ARFIP1: variants seen among roughly 807,000 people sequenced by gnomAD.
The protein encoded by ARFIP1 is arfaptin-1.
In ARFIP1, 24 loss-of-function variants were observed where a neutral mutation model predicts 42.5. The ratio of observed to expected loss-of-function variants is 0.57; its 90% confidence interval spans 0.41 to 0.80. The LOEUF is 0.80. Ranked by LOEUF, ARFIP1 falls within the 30% of genes least tolerant of loss-of-function variation. ARFIP1 has a pLI of 0.00. For synonymous variants in ARFIP1, 141 were observed against 153.7 expected (o/e 0.92, Z 0.61); for missense variants, 354 against 434.0 (o/e 0.82, Z 1.64).
chr4:152,853,839 CT>C (rs1350600631), intron 2 of ARFIP1, among the ~76,000 whole-genome samples: 3 of 145,626 alleles, frequency 2.1e-5, no homozygotes, highest in African/African-American at 7.6e-5. Context: ...TTTCCTCATT[CT>C]TTTTTATTCT....
chr4:152,888,063 A>G, intron 7 of ARFIP1, 70 bp from the exon 8 acceptor site: 2 of 1,308,416 alleles, frequency 1.5e-6, no homozygotes, highest in Non-Finnish European at 2.1e-6. Context: ...AATATTACGT[A>G]TTTCCAACCC....
chr4:152,831,722 A>G (rs1731253996), intron 2 of ARFIP1, among the ~76,000 whole-genome samples: 5 of 152,120 alleles, frequency 3.3e-5, no homozygotes. Flanking sequence ...ACTCAACATT[A>G]TGTCTGTGAG....
chr4:152,846,251 T>C (rs1732528611), intron 2 of ARFIP1, among the ~76,000 whole-genome samples: 1 of 152,166 alleles, frequency 6.6e-6, no homozygotes, highest in South Asian at 2.1e-4. Context: ...TATTGAATAC[T>C]ATGCTCAGTA....
At chr4:152,888,083 A>G in intron 7 of ARFIP1, 50 bp from the exon 8 acceptor site, 1 of 1,461,116 alleles carries the variant, frequency 6.8e-7, no homozygotes, top group Non-Finnish European at 9.2e-7. Context: ...CATTTTTTGA[A>G]CATACTTTAC....
intron 8 of ARFIP1, among the ~76,000 whole-genome samples, chr4:152,898,898 G>C (rs1221115850): frequency 6.6e-6 from 1 of 152,288 alleles, no homozygotes; most frequent in South Asian, 2.1e-4. Flanking sequence ...CAGGCTTTTT[G>C]AAAAGAAGAG....
intron 1 of ARFIP1, among the ~76,000 whole-genome samples, chr4:152,794,977 T>C (rs1731348598): frequency 6.6e-6 from 1 of 152,160 alleles, no homozygotes; most frequent in African/African-American, 2.4e-5. Flanking sequence ...TGTCAGCATG[T>C]GGAAATTACT....
At chr4:152,789,402 T>A (rs893000644) in intron 1 of ARFIP1, among the ~76,000 whole-genome samples, 1 of 152,178 alleles carries the variant, frequency 6.6e-6, no homozygotes, top group Non-Finnish European at 1.5e-5. Flanking sequence ...GAATACAAAC[T>A]ATTAATATGA....
chr4:152,886,867 C>T (rs1736304991), intron 7 of ARFIP1, among the ~76,000 whole-genome samples: 1 of 151,720 alleles, frequency 6.6e-6, no homozygotes, highest in South Asian at 2.1e-4. Flanking sequence ...CTCTTTTGAC[C>T]CTGAAAGAGG....
At chr4:152,793,329 T>TG (rs1486948910) in intron 1 of ARFIP1, among the ~76,000 whole-genome samples, 23 of 146,540 alleles carry the variant, frequency 1.6e-4, no homozygotes, top group African/African-American at 5.2e-4. Flanking sequence ...AAAAAAATGA[T>TG]ATATATATAT....
chr4:152,888,271 T>A lies in ARFIP1; in HGVS notation c.930T>A (p.Asp310Glu), dbSNP rs1165541263. 1.2e-6 allele frequency: 2 copies of A among 1,608,128 alleles called. No individual in the cohort carries two copies. Among genetic ancestry groups the A allele is most frequent in the East Asian group, 4.5e-5 (2 of 44,710 alleles). ...AAAAATATGATAAAATGCGCAATGA[T>A]GTTTCTGTCAAATTGAAATTTCTAG... ...HKEKYDKMRN[D>E]VSVKLKFLEE... The change falls in exon 8 of 9, where the codon GAT (aspartate) becomes GAA (glutamate). Residue 310 changes from aspartate (D) to glutamate (E), a missense_variant. Coordinates refer to ENST00000353617, the MANE Select transcript of ARFIP1 (RefSeq NM_001025595.3).
intron 8 of ARFIP1, among the ~76,000 whole-genome samples, chr4:152,891,584 T>G (rs1736853934): frequency 6.6e-6 from 1 of 152,204 alleles, no homozygotes; most frequent in Non-Finnish European, 1.5e-5. Flanking sequence ...CTTGGTAATT[T>G]GAAATGCCTC....
chr4:152,857,104 T>C (rs1220186060), intron 2 of ARFIP1, among the ~76,000 whole-genome samples: 1 of 152,230 alleles, frequency 6.6e-6, no homozygotes, highest in Non-Finnish European at 1.5e-5. Flanking sequence ...GTGTAAGGAA[T>C]GTTTTCTTTT....
chr4:152,905,138 T>C (rs938735916), intron 8 of ARFIP1, among the ~76,000 whole-genome samples: 3 of 152,214 alleles, frequency 2.0e-5, no homozygotes, highest in African/African-American at 7.2e-5. Flanking sequence ...AGTTTTAAGC[T>C]ATTACAAGTA....
At chr4:152,802,788 C>T in intron 1 of ARFIP1, among the ~76,000 whole-genome samples, 1 of 152,202 alleles carries the variant, frequency 6.6e-6, no homozygotes, top group South Asian at 2.1e-4. Flanking sequence ...TTCTGGTGTG[C>T]CTTTCTTTTG....
intron 2 of ARFIP1, among the ~76,000 whole-genome samples, chr4:152,841,367 A>G (rs1216083908): frequency 6.6e-6 from 1 of 152,116 alleles, no homozygotes; most frequent in Non-Finnish European, 1.5e-5. Flanking sequence ...CATTTAGACC[A>G]TTTGTATTCA....
chr4:152,783,050 C>T (rs1363894180), intron 1 of ARFIP1, among the ~76,000 whole-genome samples: 2 of 152,180 alleles, frequency 1.3e-5, no homozygotes, highest in Non-Finnish European at 2.9e-5. Flanking sequence ...CGGTGCCTCA[C>T]ACCTGTAATC....
At chr4:152,805,644 A>C (rs961219802) in intron 1 of ARFIP1, among the ~76,000 whole-genome samples, 1 of 152,236 alleles carries the variant, frequency 6.6e-6, no homozygotes, top group Admixed American at 6.5e-5. Context: ...CTAGATCATG[A>C]TGGCAGTGCC....
chr4:152,843,048 C>CTTCT (rs1732225256), intron 2 of ARFIP1, among the ~76,000 whole-genome samples: 1 of 152,062 alleles, frequency 6.6e-6, no homozygotes, highest in South Asian at 2.1e-4. Flanking sequence ...TGGGTAGGCT[C>CTTCT]TGTCAGAGGG....
intron 1 of ARFIP1, among the ~76,000 whole-genome samples, chr4:152,822,813 T>TGGGTTAA (rs1181025376): frequency 1.3e-5 from 2 of 152,226 alleles, no homozygotes; most frequent in Non-Finnish European, 2.9e-5. Flanking sequence ...GAATGTTGTC[T>TGGGTTAA]GGGTTAACAG....
Sources: allele counts gnomAD v4.1 joint callset (sites outside exome capture counted in the v4.1 genomes callset), GRCh38; gene constraint gnomAD v4.1.1; transcripts MANE v1.5; gene names NCBI Gene and HGNC (gene_info 2026-07-23, HGNC 2026-07-21).